The following GRIK4 variants were observed in gnomAD, a reference collection of about 807,000 sequenced individuals.
GRIK4 encodes glutamate ionotropic receptor kainate type subunit 4, also known as glutamate receptor ionotropic, kainate 4.
In GRIK4, 40 loss-of-function variants were observed where a neutral mutation model predicts 104.9. That is an observed-to-expected ratio of 0.38 (90% CI 0.30 to 0.50). GRIK4 has a LOEUF of 0.50. Among genes scored for constraint, GRIK4 ranks in the 20% least tolerant of loss-of-function variants. The probability of loss-of-function intolerance (pLI) is 0.93; values close to 1 mark genes in which losing one functional copy is unlikely to be tolerated. For missense variants in GRIK4, 1,047 were observed against 1,308.1 expected (o/e 0.80, Z 3.08); for synonymous variants, 485 against 524.9 (o/e 0.92, Z 1.04).
rs116613770 is a variant in GRIK4 at position 120,695,628 on chromosome 11, G to A, written c.82+35228G>A. ...CACTGCCTCCCAGGCCTGGACGGCC[G>A]CCACGGGTGGGAGGCAGGGCTGTCT... On this transcript the variant is annotated intron_variant, in intron 3 of 20. Coordinates refer to ENST00000527524, the MANE Select transcript of GRIK4 (RefSeq NM_014619.5). Among the ~76,000 whole-genome samples, 650 of 151,760 alleles carry A rather than the reference G, an allele frequency of 4.3e-3. 3 individuals are homozygous for A. The highest frequency in any genetic ancestry group is 0.012 in the African/African-American group (497 of 41,340).
At chr11:120,530,709 G>T (rs1947914289) in intron 1 of GRIK4, among the ~76,000 whole-genome samples, 1 of 152,148 alleles carries the variant, frequency 6.6e-6, no homozygotes, top group Non-Finnish European at 1.5e-5. Context: ...GGGGTTCAGA[G>T]GCCTAAGAAG....
chr11:120,717,384 C>T (rs1310299436), intron 3 of GRIK4, among the ~76,000 whole-genome samples: 2 of 152,298 alleles, frequency 1.3e-5, no homozygotes, highest in South Asian at 2.1e-4. Context: ...TTCTTCCCTA[C>T]TTCTCCTGTC....
At chr11:120,737,290 G>A (rs1175066198) in intron 3 of GRIK4, among the ~76,000 whole-genome samples, 1 of 152,136 alleles carries the variant, frequency 6.6e-6, no homozygotes. Flanking sequence ...AATTATTCTA[G>A]CTGATAAATG....
chr11:120,791,023 G>A (rs185463216), intron 3 of GRIK4, among the ~76,000 whole-genome samples: 2 of 152,314 alleles, frequency 1.3e-5, no homozygotes, highest in East Asian at 3.9e-4. Context: ...GGAGTCTGAT[G>A]TGTAGATGAG....
chr11:120,934,204 C>CAAA (rs35705174), intron 13 of GRIK4, among the ~76,000 whole-genome samples: 4 of 54,236 alleles, frequency 7.4e-5, no homozygotes, highest in East Asian at 4.3e-4. Flanking sequence ...GACTCCGTCT[C>CAAA]AAAAAAAAAA....
At chr11:120,763,013 G>C (rs1040158031) in intron 3 of GRIK4, among the ~76,000 whole-genome samples, 1 of 152,164 alleles carries the variant, frequency 6.6e-6, no homozygotes, top group Non-Finnish European at 1.5e-5. Flanking sequence ...AATTTCAGAA[G>C]GAATGGTACC....
rs896692339 is a variant in GRIK4, at chr11:120,580,777, G to T, written c.-159+68890G>T. On this transcript the variant is annotated intron_variant, in intron 1 of 20. Transcript: ENST00000527524. Reference sequence around the variant, plus strand: ...GTGAACCTAAGTTTTCATTTCTCTAGGGTAAATACTTAGGTGTGGGTTCTA... The same window carrying T: ...GTGAACCTAAGTTTTCATTTCTCTATGGTAAATACTTAGGTGTGGGTTCTA... Among the ~76,000 whole-genome samples the T allele has an allele frequency of 9.2e-5, 14 of 152,148 alleles. No individual in the cohort carries two copies. In the South Asian group the frequency reaches 1.9e-3, roughly 20 times the overall value.
chr11:120,831,246 A>G (rs956065487), intron 6 of GRIK4, among the ~76,000 whole-genome samples: 6 of 152,282 alleles, frequency 3.9e-5, no homozygotes, highest in Middle Eastern at 3.4e-3. Flanking sequence ...TCTTAAGGGA[A>G]TTGCTCCTCC....
At chr11:120,539,523 A>G (rs1269215276) in intron 1 of GRIK4, among the ~76,000 whole-genome samples, 1 of 152,204 alleles carries the variant, frequency 6.6e-6, no homozygotes, top group African/African-American at 2.4e-5. Flanking sequence ...TTCCCAGGAC[A>G]CACAGCTGCC....
intron 4 of GRIK4, among the ~76,000 whole-genome samples, chr11:120,808,262 G>C (rs930277287): frequency 6.6e-6 from 1 of 152,186 alleles, no homozygotes; most frequent in African/African-American, 2.4e-5. Context: ...TCTCTCCTAT[G>C]TCTCACAGCC....
rs912389785 is a variant in GRIK4 at position 120,988,647 on chromosome 11, T to C, written c.*2387T>C. On this transcript the variant is annotated 3_prime_UTR_variant, in exon 21 of 21. Coordinates refer to ENST00000527524, the MANE Select transcript of GRIK4 (RefSeq NM_014619.5). Reference sequence around the variant, plus strand: ...TGAATTTGCAACCAGCTAATACTCTTCCTTGGTTTGTTTCCACTTTTTATC... The same window carrying C: ...TGAATTTGCAACCAGCTAATACTCTCCCTTGGTTTGTTTCCACTTTTTATC... 6.6e-6 allele frequency: 1 copy of C among 152,246 alleles called. No individual in the cohort carries two copies. Among genetic ancestry groups the C allele is most frequent in the African/African-American group, 2.4e-5 (1 of 41,440 alleles). The allele number at this position is 152,246 out of a possible 1,614,324, so 9.4% of individuals were successfully genotyped here. A position where few individuals can be genotyped will look rare whatever the true frequency, so the allele number is the denominator to read the frequency against.
intron 1 of GRIK4, among the ~76,000 whole-genome samples, chr11:120,647,967 C>T (rs1374197876): frequency 6.6e-6 from 1 of 152,216 alleles, no homozygotes; most frequent in Non-Finnish European, 1.5e-5. Flanking sequence ...GCTGTGAGAT[C>T]TGCCCATGTG....
intron 8 of GRIK4, among the ~76,000 whole-genome samples, chr11:120,850,215 T>C (rs1042969853): frequency 1.3e-5 from 2 of 152,136 alleles, no homozygotes; most frequent in Non-Finnish European, 2.9e-5. Context: ...GCCAGGCTCA[T>C]CTGGATAATC....
At chr11:120,607,787 G>T (rs1039011140) in intron 1 of GRIK4, among the ~76,000 whole-genome samples, 6 of 152,106 alleles carry the variant, frequency 3.9e-5, no homozygotes, top group Non-Finnish European at 8.8e-5. Flanking sequence ...AGAGCAGAGA[G>T]CAGATGAGAG....
At chr11:120,929,408 G>T (rs1943432641) in intron 13 of GRIK4, among the ~76,000 whole-genome samples, 1 of 152,140 alleles carries the variant, frequency 6.6e-6, no homozygotes. Flanking sequence ...GCAGCTCGGT[G>T]ACCCCAGTGA....
intron 1 of GRIK4, among the ~76,000 whole-genome samples, chr11:120,645,763 G>T (rs895569109): frequency 1.3e-5 from 2 of 152,308 alleles, no homozygotes; most frequent in Non-Finnish European, 2.9e-5. Flanking sequence ...CCGCCTTCAC[G>T]TTCCCTTGCC....
At chr11:120,802,621 G>A in intron 3 of GRIK4, 72 bp from the exon 4 acceptor site, 5 of 1,310,698 alleles carry the variant, frequency 3.8e-6, no homozygotes, top group South Asian at 2.5e-5. Flanking sequence ...GCAGCAGGGG[G>A]AGGCTGGAGA....
chr11:120,850,875 T>C (rs1953958709), intron 8 of GRIK4, among the ~76,000 whole-genome samples: 1 of 151,276 alleles, frequency 6.6e-6, no homozygotes, highest in Non-Finnish European at 1.5e-5. Context: ...CCATTAGGAG[T>C]AGCAATTGCT....
At chr11:120,828,966 A>G (rs1953348327) in intron 6 of GRIK4, among the ~76,000 whole-genome samples, 1 of 152,328 alleles carries the variant, frequency 6.6e-6, no homozygotes, top group Admixed American at 6.5e-5. Flanking sequence ...AGCCTCTGCC[A>G]GGCAGCACCA....
Sources: gnomAD v4.1 joint callset for allele counts (sites outside exome capture counted in the v4.1 genomes callset) on GRCh38, gnomAD v4.1.1 for gene constraint, MANE v1.5 for transcripts, NCBI Gene and HGNC (gene_info 2026-07-23, HGNC 2026-07-21) for gene names.